TAS2R1: variants seen among roughly 807,000 people sequenced by gnomAD.
TAS2R1 encodes the protein taste 2 receptor member 1, also known as taste receptor type 2 member 1.
For synonymous variants in TAS2R1, 141 were observed against 134.2 expected (o/e 1.05, Z -0.35); for missense variants, 370 against 353.4 (o/e 1.05, Z -0.38).
the TAS2R1 span, among the ~76,000 whole-genome samples, chr5:9,756,893 T>C: frequency 6.6e-6 from 1 of 152,174 alleles, no homozygotes; most frequent in African/African-American, 2.4e-5. Context: ...AAAGATAATA[T>C]GCTCATAAAG....
At chr5:9,685,846 T>C (rs1437551380) in intron 1 of TAS2R1, among the ~76,000 whole-genome samples, 3 of 152,314 alleles carry the variant, frequency 2.0e-5, no homozygotes, top group Middle Eastern at 3.4e-3. Flanking sequence ...CATAATGCCA[T>C]TTGATTGTAT....
intron 1 of TAS2R1, among the ~76,000 whole-genome samples, chr5:9,706,189 C>G (rs79500358): frequency 0.014 from 2,081 of 152,326 alleles, 51 homozygotes; most frequent in African/African-American, 0.047. Context: ...CTACTACAAA[C>G]TAGCACCATT....
At chr5:9,881,014 C>T in the TAS2R1 span, among the ~76,000 whole-genome samples, 5 of 152,044 alleles carry the variant, frequency 3.3e-5, no homozygotes, top group East Asian at 3.9e-4. Context: ...CCACAGTCTC[C>T]GTGGATCAGC....
chr5:9,663,656 A>G (rs1740577750), intron 1 of TAS2R1, among the ~76,000 whole-genome samples: 2 of 152,212 alleles, frequency 1.3e-5, no homozygotes, highest in African/African-American at 2.4e-5. Context: ...TGCTATTCTC[A>G]AAAAGTTTTA....
chr5:9,771,250 T>A, the TAS2R1 span, among the ~76,000 whole-genome samples: 7 of 152,090 alleles, frequency 4.6e-5, no homozygotes, highest in Admixed American at 2.6e-4. Flanking sequence ...TTTGGCAAAG[T>A]TTTTTCAGCA....
chr5:9,735,906 C>A, the TAS2R1 span, among the ~76,000 whole-genome samples: 5 of 152,224 alleles, frequency 3.3e-5, no homozygotes, highest in African/African-American at 1.2e-4. Context: ...CCACCTTCTC[C>A]AGTGGGTGAC....
chr5:9,835,047 G>A, the TAS2R1 span, among the ~76,000 whole-genome samples: 1 of 152,170 alleles, frequency 6.6e-6, no homozygotes, highest in Non-Finnish European at 1.5e-5. Flanking sequence ...CCGACCCCTA[G>A]GGGCACGGCA....
chr5:9,628,148 CT>C lies in TAS2R1; in HGVS notation c.*984del, dbSNP rs1739791389. 1.3e-5 allele frequency among the ~76,000 whole-genome samples: 2 copies of C among 151,730 alleles called. No individual in the cohort carries two copies. The highest frequency in any genetic ancestry group is 2.9e-5 in the Non-Finnish European group (2 of 67,978). On this transcript the variant is annotated 3_prime_UTR_variant, in exon 1 of 1. Transcript: ENST00000382492. ...ATAATTTATCTATCTATCTATCTAT[CT>C]ATCTATCTATCTATCTATCTATCTA...
At chr5:9,749,001 A>G in the TAS2R1 span, among the ~76,000 whole-genome samples, 1 of 152,072 alleles carries the variant, frequency 6.6e-6, no homozygotes, top group Non-Finnish European at 1.5e-5. Context: ...GCTCTCTATT[A>G]TGAAAATAAA....
the TAS2R1 span, among the ~76,000 whole-genome samples, chr5:9,756,922 T>G: frequency 3.9e-5 from 6 of 152,200 alleles, no homozygotes; most frequent in Admixed American, 3.3e-4. Context: ...TTCTTTCACA[T>G]GTGAGAAAAG....
At chr5:9,840,857 A>ATTTTTTTTTTTTTTTTTTTTT in the TAS2R1 span, among the ~76,000 whole-genome samples, 4 of 132,086 alleles carry the variant, frequency 3.0e-5, no homozygotes, top group African/African-American at 1.1e-4. Flanking sequence ...TTATTTATTT[A>ATTTTTTTTTTTTTTTTTTTTT]TTTTTTTTTT....
chr5:9,764,683 A>G, the TAS2R1 span, among the ~76,000 whole-genome samples: 1 of 152,238 alleles, frequency 6.6e-6, no homozygotes, highest in Non-Finnish European at 1.5e-5. Context: ...ACTCTGTCCT[A>G]TAGCAGAGAA....
the TAS2R1 span, among the ~76,000 whole-genome samples, chr5:9,823,746 G>GGAAA: frequency 8.6e-5 from 13 of 151,480 alleles, no homozygotes; most frequent in Non-Finnish European, 1.9e-4. Flanking sequence ...AAGGAAGGAA[G>GGAAA]GAAAGAAAGA....
intron 1 of TAS2R1, among the ~76,000 whole-genome samples, chr5:9,709,874 C>G (rs1237272833): frequency 6.6e-6 from 1 of 152,212 alleles, no homozygotes; most frequent in Non-Finnish European, 1.5e-5. Context: ...TTTTAAGTCA[C>G]TAAATTTGGG....
the TAS2R1 span, among the ~76,000 whole-genome samples, chr5:9,737,187 C>T: frequency 6.6e-4 from 101 of 152,306 alleles, no homozygotes; most frequent in African/African-American, 2.4e-3. Context: ...CATCCTGCCC[C>T]ATTGTTTTCT....
chr5:9,670,341 A>G (rs796592631), intron 1 of TAS2R1, among the ~76,000 whole-genome samples: 19 of 152,360 alleles, frequency 1.2e-4, no homozygotes, highest in African/African-American at 4.6e-4. Flanking sequence ...AGGTGTAAAC[A>G]GACTGTAATT....
intron 1 of TAS2R1, among the ~76,000 whole-genome samples, chr5:9,696,436 C>T (rs906908912): frequency 6.6e-6 from 1 of 151,918 alleles, no homozygotes; most frequent in African/African-American, 2.4e-5. Flanking sequence ...GTGGCACGTG[C>T]CTGTAATCTC....
At chr5:9,763,056 G>A in the TAS2R1 span, among the ~76,000 whole-genome samples, 1 of 152,184 alleles carries the variant, frequency 6.6e-6, no homozygotes, top group East Asian at 1.9e-4. Flanking sequence ...ATTACTGAAA[G>A]GACAAGCATA....
chr5:9,864,104 T>C, the TAS2R1 span, among the ~76,000 whole-genome samples: 32 of 152,162 alleles, frequency 2.1e-4, no homozygotes, highest in African/African-American at 7.5e-4. Flanking sequence ...TCTTCTGGGG[T>C]TGGGAAGAGG....
Sources: gnomAD v4.1 joint callset for allele counts (sites outside exome capture counted in the v4.1 genomes callset) on GRCh38, gnomAD v4.1.1 for gene constraint, MANE v1.5 for transcripts, NCBI Gene and HGNC (gene_info 2026-07-23, HGNC 2026-07-21) for gene names.